NETO1: variants seen among roughly 807,000 people sequenced by gnomAD.
NETO1 encodes the protein neuropilin and tolloid like 1, also known as neuropilin and tolloid-like protein 1.
In NETO1, 26 loss-of-function variants were observed where a neutral mutation model predicts 61.3. The observed-to-expected ratio is 0.42, with a 90% CI of 0.31 to 0.59. NETO1 has a LOEUF of 0.59. Ranked by LOEUF, NETO1 falls within the 20% of genes least tolerant of loss-of-function variation. The pLI is 0.12. For synonymous variants in NETO1, 225 were observed against 225.8 expected, an observed-to-expected ratio of 1.00 and a Z score of 0.03; for missense variants, 531 against 662.8, an observed-to-expected ratio of 0.80 and a Z score of 2.18.
Position 72,755,477 on chromosome 18 carries a change from G to A in NETO1, c.982+557C>T, listed in dbSNP as rs62091903. ...ATGCAACATCCATAATCCAGCCAAC[G>A]ATCCCTGTTCACATAAACAAGCCTT... On this transcript the variant is annotated intron_variant, in intron 8 of 10. Transcript: ENST00000327305. Among the ~76,000 whole-genome samples, 533 of 152,138 alleles carry A rather than the reference G, an allele frequency of 3.5e-3. 4 individuals carry two copies. Among genetic ancestry groups the A allele is most frequent in the African/African-American group, 0.012 (512 of 41,516 alleles).
chr18:72,767,857 A>C (rs890296692), intron 7 of NETO1, among the ~76,000 whole-genome samples: 1 of 152,214 alleles, frequency 6.6e-6, no homozygotes, highest in Non-Finnish European at 1.5e-5. Flanking sequence ...ACTGTATTTG[A>C]AAGTGTTAAC....
intron 6 of NETO1, among the ~76,000 whole-genome samples, chr18:72,792,002 A>G (rs1319717906): frequency 2.0e-5 from 3 of 152,224 alleles, no homozygotes; most frequent in Non-Finnish European, 1.5e-5. Flanking sequence ...GCAAGCATCA[A>G]AGCTGGAAGC....
chr18:72,797,344 C>A (rs1478299007), intron 4 of NETO1, among the ~76,000 whole-genome samples: 1 of 152,050 alleles, frequency 6.6e-6, no homozygotes, highest in Non-Finnish European at 1.5e-5. Flanking sequence ...ATAGTGATAG[C>A]ACTGATAGTT....
At chr18:72,792,790 A>ATG (rs2072169094) in intron 6 of NETO1, among the ~76,000 whole-genome samples, 1 of 151,916 alleles carries the variant, frequency 6.6e-6, no homozygotes, top group African/African-American at 2.4e-5. Flanking sequence ...CTCTCAACCC[A>ATG]CGCTTTCATG....
At chr18:72,796,521 G>A (rs985580956) in intron 4 of NETO1, among the ~76,000 whole-genome samples, 10 of 151,886 alleles carry the variant, frequency 6.6e-5, no homozygotes, top group African/African-American at 7.3e-5. Context: ...TGGCTCTGTC[G>A]CCCAGGCTGG....
intron 4 of NETO1, among the ~76,000 whole-genome samples, chr18:72,796,645 T>C (rs2072322393): frequency 6.6e-6 from 1 of 152,064 alleles, no homozygotes; most frequent in African/African-American, 2.4e-5. Flanking sequence ...CCCAGCTAAT[T>C]TTTTGTACTT....
chr18:72,833,028 T>C (rs1044455518), intron 4 of NETO1, among the ~76,000 whole-genome samples: 1 of 152,182 alleles, frequency 6.6e-6, no homozygotes, highest in Non-Finnish European at 1.5e-5. Flanking sequence ...AAATGGGTCA[T>C]CAATTCAAGA....
At chr18:72,827,395 C>A (rs75244103) in intron 4 of NETO1, among the ~76,000 whole-genome samples, 1 of 152,082 alleles carries the variant, frequency 6.6e-6, no homozygotes, top group East Asian at 1.9e-4. Flanking sequence ...TATGGCCATA[C>A]GTGGAGCCCC....
intron 7 of NETO1, among the ~76,000 whole-genome samples, chr18:72,758,970 C>T (rs889265247): frequency 1.3e-5 from 2 of 152,168 alleles, no homozygotes; most frequent in African/African-American, 4.8e-5. Context: ...CGAATTTCCT[C>T]GTTATTGTCT....
chr18:72,867,393 C>T lies in NETO1; in HGVS notation c.-102G>A. 2 of 869,470 alleles carry T rather than the reference C, an allele frequency of 2.3e-6. No homozygotes were observed. Among genetic ancestry groups the T allele is most frequent in the Non-Finnish European group, 3.3e-6 (2 of 600,822 alleles). The allele number at this position is 869,470 out of a possible 1,614,324, so 53.9% of individuals were successfully genotyped here. A position where few individuals can be genotyped will look rare whatever the true frequency, so the allele number is the denominator to read the frequency against. On this transcript the variant is annotated 5_prime_UTR_variant, in exon 1 of 11. Coordinates refer to ENST00000327305, the MANE Select transcript of NETO1 (RefSeq NM_138966.5). Reference sequence around the variant, plus strand: ...GGACAGGGTCGAGAGGTGTTAAAGACGCAAAGCAAGAAGGAAATAAAGGGG... The same window carrying T: ...GGACAGGGTCGAGAGGTGTTAAAGATGCAAAGCAAGAAGGAAATAAAGGGG...
intron 8 of NETO1, among the ~76,000 whole-genome samples, 183 bp from the exon 9 acceptor site, chr18:72,750,803 C>A (rs974952643): frequency 6.7e-6 from 1 of 150,316 alleles, no homozygotes; most frequent in South Asian, 2.1e-4. Flanking sequence ...TCGTTTTTCA[C>A]CAAAAAAATC....
intron 4 of NETO1, among the ~76,000 whole-genome samples, chr18:72,850,761 CT>C (rs2074223986): frequency 1.3e-5 from 2 of 152,106 alleles, no homozygotes; most frequent in African/African-American, 4.8e-5. Flanking sequence ...GAGTTTTTCT[CT>C]TGTCAAGTGA....
chr18:72,771,953 T>G (rs2071365773), intron 7 of NETO1, among the ~76,000 whole-genome samples: 1 of 152,288 alleles, frequency 6.6e-6, no homozygotes, highest in East Asian at 1.9e-4. Context: ...GGTTCTTTCC[T>G]TTGGGTCTCT....
At chr18:72,838,762 T>C (rs1192759080) in intron 4 of NETO1, among the ~76,000 whole-genome samples, 1 of 152,218 alleles carries the variant, frequency 6.6e-6, no homozygotes, top group African/African-American at 2.4e-5. Context: ...CAGTTTTCCA[T>C]TTAATAAAGC....
intron 1 of NETO1, chr18:72,866,893 G>A: frequency 5.9e-6 from 4 of 678,732 alleles, no homozygotes; most frequent in Non-Finnish European, 7.6e-6. Flanking sequence ...CCTAGAAGAG[G>A]AAGACTCCTC....
intron 6 of NETO1, among the ~76,000 whole-genome samples, chr18:72,785,102 C>A (rs375146005): frequency 6.6e-6 from 1 of 152,154 alleles, no homozygotes; most frequent in Non-Finnish European, 1.5e-5. Flanking sequence ...AATGCCTATA[C>A]GCTATTTCCT....
intron 6 of NETO1, 33 bp downstream of exon 6, chr18:72,794,084 G>A (rs2072230319): frequency 6.2e-7 from 1 of 1,613,788 alleles, no homozygotes; most frequent in Non-Finnish European, 8.5e-7. Context: ...CTCAACGTCA[G>A]CTGTCAAGTG....
chr18:72,832,118 A>G (rs1397723198), intron 4 of NETO1, among the ~76,000 whole-genome samples: 1 of 152,194 alleles, frequency 6.6e-6, no homozygotes, highest in African/African-American at 2.4e-5. Flanking sequence ...GCACATTAGT[A>G]AATGAATAAT....
intron 4 of NETO1, among the ~76,000 whole-genome samples, chr18:72,803,733 A>T (rs1278350906): frequency 6.6e-6 from 1 of 151,716 alleles, no homozygotes; most frequent in East Asian, 1.9e-4. Flanking sequence ...TGGCAGGATA[A>T]TTGCTTGAAC....
Sources: allele counts gnomAD v4.1 joint callset (sites outside exome capture counted in the v4.1 genomes callset), GRCh38; gene constraint gnomAD v4.1.1; transcripts MANE v1.5; gene names NCBI Gene and HGNC (gene_info 2026-07-23, HGNC 2026-07-21).